PRKG1: variants seen among roughly 807,000 people sequenced by gnomAD.
The protein encoded by PRKG1 is protein kinase cGMP-dependent 1.
PRKG1 carries 35 observed loss-of-function variants against 88.1 expected under a neutral mutation model. The observed-to-expected ratio is 0.40, with a 90% confidence interval of 0.30 to 0.53. PRKG1 has a LOEUF of 0.53. Among genes scored for constraint, PRKG1 ranks in the 20% least tolerant of loss-of-function variants. The pLI is 0.59. For missense variants in PRKG1, 540 were observed against 839.8 expected (o/e 0.64, Z 4.41); for synonymous variants, 303 against 292.5 (o/e 1.04, Z -0.37).
chr10:51,053,779 T>G (rs201211583), intron 1 of PRKG1, among the ~76,000 whole-genome samples: 36 of 6,490 alleles, frequency 5.5e-3, no homozygotes, highest in Non-Finnish European at 0.011. Context: ...GTTTTTTTTG[T>G]TTTTTTTTTT....
chr10:51,345,674 T>C (rs1348781684), intron 2 of PRKG1, among the ~76,000 whole-genome samples: 1 of 152,204 alleles, frequency 6.6e-6, no homozygotes, highest in African/African-American at 2.4e-5. Flanking sequence ...GGAAATAGCC[T>C]TATCCTTGAT....
intron 1 of PRKG1, 35 bp downstream of exon 1, chr10:51,074,936 C>T (rs767735393): frequency 1.1e-5 from 17 of 1,548,134 alleles, no homozygotes; most frequent in Non-Finnish European, 1.1e-5. Context: ...CCATGTGGCG[C>T]CCTGGCGATG....
intron 8 of PRKG1, among the ~76,000 whole-genome samples, chr10:52,141,006 T>C (rs542574113): frequency 1.3e-5 from 2 of 152,304 alleles, no homozygotes; most frequent in South Asian, 4.1e-4. Context: ...TTTATTTTGG[T>C]TCATTTTCCA....
chr10:51,475,168 T>C (rs1444401), intron 3 of PRKG1, among the ~76,000 whole-genome samples: 105,474 of 151,834 alleles, frequency 0.69, 38,000 homozygotes, highest in African/African-American at 0.83. Flanking sequence ...GCTCCCTACC[T>C]CTATGTGTGG....
intron 5 of PRKG1, among the ~76,000 whole-genome samples, chr10:52,033,865 G>A (rs1360496542): frequency 6.6e-6 from 1 of 152,004 alleles, no homozygotes; most frequent in Non-Finnish European, 1.5e-5. Flanking sequence ...AGTCAGTGAA[G>A]GGAGATAGGG....
rs117077626 is a variant in PRKG1 at position 51,340,738 on chromosome 10, G to A, written c.479-126985G>A. Reference sequence around the variant, plus strand: ...TCAGTTGTCTGGAAAAACAGCCGAGGAGTTTTTCTTTGAGAAAAGTTCAGT... The same window carrying A: ...TCAGTTGTCTGGAAAAACAGCCGAGAAGTTTTTCTTTGAGAAAAGTTCAGT... On this transcript the variant is annotated intron_variant, in intron 2 of 17. Transcript: ENST00000373980. Among the ~76,000 whole-genome samples the A allele has an allele frequency of 4.5e-3, 686 of 152,256 alleles. 1 individual carries two copies. The highest frequency in any genetic ancestry group is 0.017 in the Middle Eastern group (5 of 294).
At chr10:51,797,823 C>T (rs1241556147) in intron 3 of PRKG1, among the ~76,000 whole-genome samples, 1 of 151,702 alleles carries the variant, frequency 6.6e-6, no homozygotes. Flanking sequence ...TCCCAGCCCC[C>T]AGTAACTACT....
At chr10:50,997,763 T>C (rs1439180048) in intron 1 of PRKG1, among the ~76,000 whole-genome samples, 1 of 152,148 alleles carries the variant, frequency 6.6e-6, no homozygotes, top group Non-Finnish European at 1.5e-5. Flanking sequence ...CAGAAAGGAA[T>C]ACTGACCTTG....
intron 9 of PRKG1, among the ~76,000 whole-genome samples, chr10:52,198,389 C>A (rs1471991628): frequency 2.0e-5 from 3 of 151,956 alleles, no homozygotes; most frequent in Non-Finnish European, 4.4e-5. Context: ...ATTGTGTTTA[C>A]AATGGCATAC....
At chr10:51,564,355 AT>A (rs1212613608) in intron 3 of PRKG1, among the ~76,000 whole-genome samples, 1 of 152,152 alleles carries the variant, frequency 6.6e-6, no homozygotes, top group African/African-American at 2.4e-5. Flanking sequence ...ATAGAGAGAA[AT>A]AAAAAGGCCT....
chr10:51,428,244 C>G (rs1838650104), intron 2 of PRKG1, among the ~76,000 whole-genome samples: 1 of 152,206 alleles, frequency 6.6e-6, no homozygotes. Context: ...GTGGCAAATT[C>G]TATTAACTGA....
chr10:51,692,439 T>C (rs893624254), intron 3 of PRKG1, among the ~76,000 whole-genome samples: 2 of 151,910 alleles, frequency 1.3e-5, no homozygotes. Context: ...TAGAGACGGA[T>C]TTTCACCATT....
chr10:51,145,056 T>C (rs1845910618), intron 1 of PRKG1, among the ~76,000 whole-genome samples: 1 of 152,210 alleles, frequency 6.6e-6, no homozygotes, highest in Non-Finnish European at 1.5e-5. Flanking sequence ...ATGATTTCTT[T>C]AATGATCAAT....
At chr10:52,278,424 C>G (rs1841923045) in intron 12 of PRKG1, among the ~76,000 whole-genome samples, 2 of 152,096 alleles carry the variant, frequency 1.3e-5, no homozygotes, top group African/African-American at 4.8e-5. Flanking sequence ...GGATCTAGAA[C>G]CAGAATTATC....
At chr10:51,053,202 T>G (rs1843586016) in intron 1 of PRKG1, among the ~76,000 whole-genome samples, 1 of 151,624 alleles carries the variant, frequency 6.6e-6, no homozygotes, top group Non-Finnish European at 1.5e-5. Flanking sequence ...TGCACTCCAG[T>G]CTGGGCGATA....
intron 4 of PRKG1, among the ~76,000 whole-genome samples, chr10:51,873,908 T>A (rs1841224113): frequency 6.7e-6 from 1 of 149,020 alleles, no homozygotes; most frequent in Admixed American, 6.8e-5. Flanking sequence ...CATACTCTCA[T>A]TTATTTGCAT....
chr10:51,461,959 T>A (rs1839758206), intron 2 of PRKG1, among the ~76,000 whole-genome samples: 1 of 152,124 alleles, frequency 6.6e-6, no homozygotes, highest in South Asian at 2.1e-4. Context: ...CCTAATCTAT[T>A]AAGAAAGCAG....
At chr10:52,291,247 TTTTTTTA>T (rs969830806) in intron 17 of PRKG1, among the ~76,000 whole-genome samples, 14 of 60,140 alleles carry the variant, frequency 2.3e-4, no homozygotes, top group African/African-American at 1.6e-3. Flanking sequence ...TATTTTTTTA[TTTTTTTA>T]TTTTTTTATT....
In PRKG1 at chr10:51,406,225, T is replaced by C. The variant is rs538549493; in HGVS notation, c.479-61498T>C. ...ATGAAATCAATTTGTTGTCGACAGCTGTTCCTCTCCCTGCTCATTCAAGAG... is the reference window on the plus strand; with the variant it reads ...ATGAAATCAATTTGTTGTCGACAGCCGTTCCTCTCCCTGCTCATTCAAGAG... On this transcript the variant is annotated intron_variant, in intron 2 of 17. Coordinates refer to ENST00000373980, the MANE Select transcript of PRKG1 (RefSeq NM_006258.4). 4.9e-4 allele frequency among the ~76,000 whole-genome samples: 75 copies of C among 152,338 alleles called. 1 individual carries two copies. The highest frequency in any genetic ancestry group is 3.4e-3 in the Middle Eastern group (1 of 294).
Sources: gnomAD v4.1 joint callset for allele counts (sites outside exome capture counted in the v4.1 genomes callset) on GRCh38, gnomAD v4.1.1 for gene constraint, MANE v1.5 for transcripts, NCBI Gene and HGNC (gene_info 2026-07-23, HGNC 2026-07-21) for gene names.